Variants in MEI1 observed in about 807,000 individuals in gnomAD.
The protein encoded by MEI1 is meiotic double-stranded break formation protein 1.
Under a neutral mutation model 146.2 loss-of-function variants are expected in MEI1, and 103 were observed. The observed-to-expected ratio is 0.70, with a 90% CI of 0.60 to 0.83. The LOEUF is 0.83. MEI1 is among the 40% of genes least tolerant of loss of function. The pLI, the probability that MEI1 is intolerant of heterozygous loss-of-function variation, is 0.00. For missense variants in MEI1, 1,529 were observed against 1,533.0 expected, an observed-to-expected ratio of 1.00 and a Z score of 0.04; for synonymous variants, 652 against 628.2, an observed-to-expected ratio of 1.04 and a Z score of -0.57.
intron 23 of MEI1, 34 bp from the exon 24 acceptor site, chr22:41,781,651 C>G (rs756199104): frequency 6.2e-7 from 1 of 1,604,698 alleles, no homozygotes; most frequent in Non-Finnish European, 8.5e-7. Flanking sequence ...TCCTCTGTAA[C>G]TCCTGTGGGC....
At chr22:41,738,573 C>T (rs1244409422) in intron 11 of MEI1, among the ~76,000 whole-genome samples, 2 of 150,170 alleles carry the variant, frequency 1.3e-5, no homozygotes, top group Admixed American at 6.6e-5. Context: ...GGCAACAGAG[C>T]GAGACTCTGT....
intron 17 of MEI1, among the ~76,000 whole-genome samples, chr22:41,758,016 G>T (rs955981944): frequency 2.0e-5 from 3 of 152,112 alleles, no homozygotes; most frequent in Admixed American, 6.6e-5. Flanking sequence ...GCTGAGGCAG[G>T]AGAATTGCTT....
intron 11 of MEI1, among the ~76,000 whole-genome samples, chr22:41,739,441 A>G (rs2072672796): frequency 6.6e-6 from 1 of 152,040 alleles, no homozygotes; most frequent in Non-Finnish European, 1.5e-5. Context: ...TCTACTTCTC[A>G]AGGCCAGTCA....
rs1426255653 is a variant in MEI1 at position 41,729,701 on chromosome 22, A to T, written c.901A>T (p.Ser301Cys). 3.7e-6 allele frequency: 6 copies of T among 1,612,190 alleles called. No individual in the cohort carries two copies. In the Admixed American group the frequency reaches 1.0e-4, roughly 27 times the overall value. ...TAGAGATGAAACCCTGCAGGTGGCC[A>T]GTGCTCACTGTATAACTGCGGTGCT... Reference protein sequence around the residue: ...LSRDETLQVASAHCITAVLVH... With the variant: ...LSRDETLQVACAHCITAVLVH... Residue 301 changes from serine (S) to cysteine (C), a missense_variant, in exon 8 of 31, where the codon AGT (serine) becomes TGT (cysteine). By Grantham distance (112) the Ser-to-Cys change is moderately radical (BLOSUM62 -1). Around this residue, in one of 3 missense-constraint regions of MEI1, gnomAD observed 1,212 missense variants for 1,178.9 expected, o/e 1.03. Transcript: ENST00000401548.
rs553506824 is a variant in MEI1 at position 41,779,765 on chromosome 22, T to G, written c.2815+953T>G. ...TCAGCTCTCCAGCTCATCCTACAAT[T>G]GACTCAGATCTGATGATCCAGTTCA... On this transcript the variant is annotated intron_variant, in intron 22 of 30. Transcript: ENST00000401548. Among the ~76,000 whole-genome samples, 333 of 152,290 alleles carry G rather than the reference T, an allele frequency of 2.2e-3. 2 individuals are homozygous for G. The highest frequency in any genetic ancestry group is 7.5e-3 in the African/African-American group (313 of 41,556).
chr22:41,784,114 G>A (rs891538924), intron 24 of MEI1, among the ~76,000 whole-genome samples: 7 of 152,204 alleles, frequency 4.6e-5, no homozygotes, highest in African/African-American at 1.4e-4. Context: ...CAGTGAGGAT[G>A]GGGGAGATTT....
At chr22:41,772,572 A>G (rs1045424332) in intron 20 of MEI1, among the ~76,000 whole-genome samples, 1 of 151,540 alleles carries the variant, frequency 6.6e-6, no homozygotes, top group African/African-American at 2.4e-5. Context: ...TCCTCCCACC[A>G]TGGCCTCCCA....
At chr22:41,709,422 C>A in intron 3 of MEI1, 1 of 696,388 alleles carries the variant, frequency 1.4e-6, no homozygotes, top group South Asian at 1.4e-5. Context: ...TGGATCTTCT[C>A]TGTGGTTCGT....
At chr22:41,788,435 TG>T (rs1257435403) in intron 26 of MEI1, among the ~76,000 whole-genome samples, 1 of 151,196 alleles carries the variant, frequency 6.6e-6, no homozygotes, top group Non-Finnish European at 1.5e-5. Context: ...CAGTGAGGTT[TG>T]TGGGTTTTGT....
At chr22:41,712,862 G>A (rs1406284826) in intron 3 of MEI1, among the ~76,000 whole-genome samples, 2 of 146,852 alleles carry the variant, frequency 1.4e-5, no homozygotes, top group African/African-American at 5.1e-5. Context: ...AGGCTGGAGT[G>A]CAGTGGCGTG....
At position 41,758,330 on chromosome 22, in the gene MEI1, T is replaced by C. The variant is rs750350987; in HGVS notation, c.1952-35T>C. The C allele has an allele frequency of 2.5e-6, 4 of 1,594,668 alleles. No homozygotes were observed. In the East Asian group the frequency reaches 6.7e-5, roughly 27 times the overall value. ...GCTGATTACCTGTTCTTCTATGTTC[T>C]CTGTGTGGCTTTCCTCTACTTATTC... On this transcript the variant is annotated intron_variant, in intron 17 of 30. Transcript: ENST00000401548.
intron 3 of MEI1, chr22:41,709,398 T>G: frequency 1.4e-6 from 1 of 713,152 alleles, no homozygotes; most frequent in Non-Finnish European, 2.6e-6. Context: ...GAGCAGATTT[T>G]GCAGACAACC....
intron 30 of MEI1, among the ~76,000 whole-genome samples, chr22:41,797,938 G>A (rs530382849): frequency 6.6e-6 from 1 of 152,200 alleles, no homozygotes; most frequent in East Asian, 1.9e-4. Flanking sequence ...TAACGAAACT[G>A]AGGCCAGAGA....
At position 41,699,641 on chromosome 22, in the gene MEI1, T is replaced by C; in HGVS notation, c.103T>C (p.Trp35Arg). The C allele has an allele frequency of 6.2e-7, 1 of 1,602,724 alleles. No homozygotes were observed. The highest frequency in any genetic ancestry group is 1.3e-5 in the African/African-American group (1 of 74,950). Residue 35 changes from tryptophan to arginine, a missense_variant, in exon 1 of 31, where the codon TGG becomes CGG. Transcript: ENST00000401548. ...ERAHYRHDPR[W>R]LLPVTPRLCL... ...GGCCCATTACCGGCACGACCCGCGC[T>C]GGCTGCTGCCCGTGACCCCCCGCCT...
At chr22:41,738,858 C>T (rs926584376) in intron 11 of MEI1, among the ~76,000 whole-genome samples, 20 of 150,420 alleles carry the variant, frequency 1.3e-4, no homozygotes, top group African/African-American at 1.7e-4. Flanking sequence ...GTCCCAACTA[C>T]TTGGGAGGTA....
At chr22:41,721,403 T>A (rs1286965841) in intron 6 of MEI1, among the ~76,000 whole-genome samples, 2 of 148,502 alleles carry the variant, frequency 1.3e-5, no homozygotes, top group Admixed American at 6.7e-5. Flanking sequence ...TGCCACCACA[T>A]CTGGCTATTT....
intron 30 of MEI1, among the ~76,000 whole-genome samples, chr22:41,798,162 CACACACACATAG>C (rs1264141997): frequency 8.9e-6 from 1 of 112,928 alleles, no homozygotes; most frequent in Non-Finnish European, 1.9e-5. Context: ...CACACACACA[CACACACACATAG>C]TGTGTGTCTC....
intron 20 of MEI1, among the ~76,000 whole-genome samples, chr22:41,772,618 G>T (rs1413467678): frequency 1.3e-5 from 2 of 152,182 alleles, no homozygotes; most frequent in African/African-American, 4.8e-5. Context: ...GACTGTACCT[G>T]CCATTTTTTC....
chr22:41,784,301 G>A, intron 24 of MEI1, 38 bp from the exon 25 acceptor site: 1 of 1,586,362 alleles, frequency 6.3e-7, no homozygotes, highest in Non-Finnish European at 8.6e-7. Flanking sequence ...CAGGCTTCCA[G>A]AACATGGGGG....
Sources: allele counts gnomAD v4.1 joint callset (sites outside exome capture counted in the v4.1 genomes callset), GRCh38; gene constraint gnomAD v4.1.1; regional missense constraint gnomAD v4.1.1; transcripts MANE v1.5; gene names NCBI Gene and HGNC (gene_info 2026-07-23, HGNC 2026-07-21).